PRSS54: variants seen among roughly 807,000 people sequenced by gnomAD.
PRSS54 encodes inactive serine protease 54.
Under a neutral mutation model 19.9 loss-of-function variants are expected in PRSS54, and 16 were observed. The ratio of observed to expected loss-of-function variants is 0.80; its 90% CI spans 0.54 to 1.22. PRSS54 has a LOEUF of 1.22. PRSS54 is among the 50% of genes most tolerant of loss of function. The pLI is 0.00. For missense variants in PRSS54, 444 were observed against 494.8 expected, an observed-to-expected ratio of 0.90 and a Z score of 0.97; for synonymous variants, 177 against 195.8, an observed-to-expected ratio of 0.90 and a Z score of 0.80.
chr16:58,288,319 G>A lies in PRSS54; in HGVS notation c.264-2124C>T, dbSNP rs560545809. On this transcript the variant is annotated intron_variant, in intron 4 of 6. Coordinates refer to ENST00000567164, the MANE Select transcript of PRSS54 (RefSeq NM_001305173.2). The stretch of plus-strand genomic sequence containing the variant: ...CATGCGCCTGTAGTCCCAGCTACTC[G>A]GGAGGCTGAGGCAAGAGGATTGCTT... 3.9e-5 allele frequency among the ~76,000 whole-genome samples: 6 copies of A among 152,230 alleles called. No individual in the cohort carries two copies. The South Asian group carries it at 1.0e-3, about 26-fold the overall frequency.
In PRSS54 at chr16:58,291,017, A is replaced by T. The variant is rs778076584; in HGVS notation, c.205T>A (p.Phe69Ile). The T allele has an allele frequency of 6.2e-7, 1 of 1,614,236 alleles. No homozygotes were observed. Among genetic ancestry groups the T allele is most frequent in the Admixed American group, 1.7e-5 (1 of 60,032 alleles). ...LQDSQYTHLA[F>I]GCILSEFWVL... ...CAGAACTCGCTCAGGATGCAGCCGA[A>T]AGCCAGGTGTGTGTACTGGGAGTCC... The change falls in exon 4 of 7, where the codon TTC becomes ATC. Residue 69 changes from phenylalanine to isoleucine, a missense_variant. Coordinates refer to ENST00000567164, the MANE Select transcript of PRSS54 (RefSeq NM_001305173.2).
rs1008855315 is a variant in PRSS54, at chr16:58,280,763, A to T, written c.655-6T>A. The T allele has an allele frequency of 1.9e-6, 3 of 1,593,644 alleles. No homozygotes were observed. Among genetic ancestry groups the T allele is most frequent in the Non-Finnish European group, 2.6e-6 (3 of 1,167,252 alleles). On this transcript the variant is annotated splice_polypyrimidine_tract_variant and splice_region_variant and intron_variant, in intron 6 of 6. Transcript: ENST00000567164. The stretch of plus-strand genomic sequence containing the variant: ...ATTGGGCTTCCTGGGTCCCCCTGTG[A>T]TAAAAGACAGAAGGCTTCAAGTCTT...
intron 1 of PRSS54, among the ~76,000 whole-genome samples, chr16:58,294,629 C>T (rs927014773): frequency 3.3e-5 from 5 of 152,186 alleles, no homozygotes; most frequent in African/African-American, 1.2e-4. Context: ...ATCCACCCGC[C>T]TCAGTCTCCC....
At chr16:58,287,586 C>A (rs1040429640) in intron 4 of PRSS54, among the ~76,000 whole-genome samples, 1 of 152,242 alleles carries the variant, frequency 6.6e-6, no homozygotes, top group Non-Finnish European at 1.5e-5. Context: ...TCCCTCTGAT[C>A]TCTTGCCTCT....
chr16:58,285,220 G>A (rs1964886769), intron 5 of PRSS54: 1 of 157,200 alleles, frequency 6.4e-6, no homozygotes, highest in Non-Finnish European at 1.4e-5. Context: ...AACAGGCAGA[G>A]AACACCCTTC....
Position 58,280,121 on chromosome 16 carries a change from C to G in PRSS54, c.*103G>C. 4 of 1,199,514 alleles carry G rather than the reference C, an allele frequency of 3.3e-6. No homozygotes were observed. Among genetic ancestry groups the G allele is most frequent in the Non-Finnish European group, 4.7e-6 (4 of 847,672 alleles). The allele number at this position is 1,199,514 out of a possible 1,614,324, so 74.3% of individuals were successfully genotyped here. A position where few individuals can be genotyped will look rare whatever the true frequency, so the allele number is the denominator to read the frequency against. The stretch of plus-strand genomic sequence containing the variant: ...TATGCCATGGGCTTATCCGTGGCAG[C>G]CCCAGTGTGCAACTATCAAAAACAG... On this transcript the variant is annotated 3_prime_UTR_variant, in exon 7 of 7. Transcript: ENST00000567164.
At chr16:58,284,806 C>A (rs116552128) in intron 5 of PRSS54, 85 bp from the exon 6 acceptor site, 2 of 1,483,636 alleles carry the variant, frequency 1.3e-6, no homozygotes, top group African/African-American at 1.5e-5. Context: ...TATAGCCAAA[C>A]GAGAGTGAGA....
chr16:58,290,168 AT>A (rs1965008408), intron 4 of PRSS54, among the ~76,000 whole-genome samples: 4 of 20,130 alleles, frequency 2.0e-4, no homozygotes, highest in African/African-American at 1.6e-3. Flanking sequence ...TATATTATGT[AT>A]ATATATATTT....
At position 58,284,809 on chromosome 16, in the gene PRSS54, G is replaced by A. The variant is rs111423284; in HGVS notation, c.523-88C>T. 2.3e-5 allele frequency: 34 copies of A among 1,455,410 alleles called. No homozygotes were observed. The African/African-American group carries it at 3.2e-4, about 13-fold the overall frequency. 90.2% of individuals were successfully genotyped at this position (1,455,410 alleles called of 1,614,324 possible). On this transcript the variant is annotated intron_variant, in intron 5 of 6. Transcript: ENST00000567164. The stretch of plus-strand genomic sequence containing the variant: ...AACTCCCACTCATATAGCCAAACGA[G>A]AGTGAGAATTTTTTTTTTTTTTTGA...
At position 58,280,975 on chromosome 16, in the gene PRSS54, T is replaced by G. The variant is rs888061216; in HGVS notation, c.655-218A>C. On this transcript the variant is annotated intron_variant, in intron 6 of 6. Transcript: ENST00000567164. ...ATTATGCAAATTAGCTGTGGACTTC[T>G]GCTGATTGCCTATAGCTTCCTGGTT... The G allele has an allele frequency of 7.3e-6, 4 of 546,308 alleles. No homozygotes were observed. The African/African-American group carries it at 7.5e-5, about 10-fold the overall frequency. 33.8% of individuals were successfully genotyped at this position (546,308 alleles called of 1,614,324 possible). A position where few individuals can be genotyped will look rare whatever the true frequency, so the allele number is the denominator to read the frequency against.
chr16:58,285,744 A>AAAAAAAAAAAAAG (rs146167626), intron 5 of PRSS54, among the ~76,000 whole-genome samples, 193 bp downstream of exon 5: 4 of 77,364 alleles, frequency 5.2e-5, no homozygotes, highest in African/African-American at 2.9e-4. Flanking sequence ...AAAAAAAAAA[A>AAAAAAAAAAAAAG]AAGAAGAAGA....
intron 6 of PRSS54, 164 bp downstream of exon 6, chr16:58,284,426 G>T: frequency 1.5e-6 from 1 of 660,200 alleles, no homozygotes; most frequent in Non-Finnish European, 2.6e-6. Flanking sequence ...GATTTTTATT[G>T]AGCGCATACT....
At chr16:58,283,169 T>C (rs558590940) in intron 6 of PRSS54, 1 of 152,276 alleles carries the variant, frequency 6.6e-6, no homozygotes, top group Admixed American at 6.5e-5. Flanking sequence ...TGATTCTGCT[T>C]TTGTTGGGTT....
intron 4 of PRSS54, among the ~76,000 whole-genome samples, chr16:58,287,130 G>C (rs1168961160): frequency 6.6e-6 from 1 of 152,150 alleles, no homozygotes. Flanking sequence ...AATATTTCAA[G>C]ATATAATTTA....
In PRSS54 at chr16:58,284,654, AG is replaced by A; in HGVS notation, c.589del (p.Leu197TyrfsTer29). On this transcript the variant is annotated frameshift_variant, in exon 6 of 7. Coordinates refer to ENST00000567164, the MANE Select transcript of PRSS54 (RefSeq NM_001305173.2). Reference protein sequence around the residue: ...IFVKDLDMCPLYKLQKTECGS... With the variant: ...IFVKDLDMCPXYKLQKTECGS... Reference sequence around the variant, plus strand: ...GCATTCTGTCTTCTGGAGTTTGTATAGGGGACACATGTCAAGATCTTTCACG... The same window carrying A: ...GCATTCTGTCTTCTGGAGTTTGTATAGGGACACATGTCAAGATCTTTCACG... 1 of 1,614,040 alleles carries A rather than the reference AG, an allele frequency of 6.2e-7. No individual in the cohort carries two copies. The highest frequency in any genetic ancestry group is 1.3e-5 in the African/African-American group (1 of 75,018).
At chr16:58,290,494 T>C (rs1480483442) in intron 4 of PRSS54, among the ~76,000 whole-genome samples, 1 of 152,228 alleles carries the variant, frequency 6.6e-6, no homozygotes, top group Non-Finnish European at 1.5e-5. Flanking sequence ...GTAGAAATCG[T>C]GCGTTCTGAG....
rs1334789794 is a variant in PRSS54, at chr16:58,289,746, A to AT, written c.263+1212dup. 1.1e-4 allele frequency among the ~76,000 whole-genome samples: 17 copies of AT among 151,732 alleles called. No homozygotes were observed. The East Asian group carries it at 3.1e-3, about 28-fold the overall frequency. ...GCCACTATGCCCCGGTAATTTTTGT[A>AT]TTTTTTAGTAGAGACAGGTTTTTGC... On this transcript the variant is annotated intron_variant, in intron 4 of 6. Transcript: ENST00000567164.
At chr16:58,287,620 A>G (rs897846996) in intron 4 of PRSS54, among the ~76,000 whole-genome samples, 13 of 152,168 alleles carry the variant, frequency 8.5e-5, no homozygotes, top group African/African-American at 2.9e-4. Flanking sequence ...GCCAAAACCA[A>G]CTGGAATCCA....
Position 58,292,228 on chromosome 16 carries a change from C to T in PRSS54, c.86-1092G>A, listed in dbSNP as rs574867694. Among the ~76,000 whole-genome samples the T allele has an allele frequency of 6.6e-5, 10 of 152,200 alleles. No homozygotes were observed. In the South Asian group the frequency reaches 1.0e-3, roughly 16 times the overall value. On this transcript the variant is annotated intron_variant, in intron 3 of 6. Coordinates refer to ENST00000567164, the MANE Select transcript of PRSS54 (RefSeq NM_001305173.2). ...ACAGGAGTGAGCCACCACACCCTAC[C>T]GGTGACTCCTTTTTCAGCCATGCAT...
Sources: allele counts gnomAD v4.1 joint callset (sites outside exome capture counted in the v4.1 genomes callset), GRCh38; gene constraint gnomAD v4.1.1; transcripts MANE v1.5; gene names NCBI Gene and HGNC (gene_info 2026-07-23, HGNC 2026-07-21).